Variants in FER1L6 observed in about 807,000 individuals in gnomAD.
The protein encoded by FER1L6 is fer-1 like family member 6, also known as fer-1-like protein 6.
In FER1L6, 177 loss-of-function variants were observed where a neutral mutation model predicts 219.2. The ratio of observed to expected loss-of-function variants is 0.81; its 90% CI spans 0.71 to 0.91. The LOEUF (loss-of-function observed/expected upper bound fraction) is 0.91, where lower values mean the gene tolerates loss of function less well. FER1L6 is among the 40% of genes least tolerant of loss of function. FER1L6 has a pLI of 0.00. For synonymous variants in FER1L6, 768 were observed against 824.3 expected (o/e 0.93, Z 1.17); for missense variants, 2,153 against 2,259.9 (o/e 0.95, Z 0.96).
chr8:124,115,922 T>C lies in FER1L6; in HGVS notation c.5290-2922T>C, dbSNP rs113987652. Among the ~76,000 whole-genome samples, 707 of 152,362 alleles carry C rather than the reference T, an allele frequency of 4.6e-3. 4 individuals are homozygous for C. The highest frequency in any genetic ancestry group is 0.016 in the African/African-American group (662 of 41,588). ...TGTGCTATGCTATGCCATGCCATGC[T>C]ATGCTATAATATTAAGCTATCCAAA... On this transcript the variant is annotated intron_variant, in intron 39 of 40. Coordinates refer to ENST00000522917, the MANE Select transcript of FER1L6 (RefSeq NM_001039112.2).
chr8:123,879,245 G>A (rs6983143), intron 1 of FER1L6, among the ~76,000 whole-genome samples: 115,732 of 152,114 alleles, frequency 0.76, 44,292 homozygotes, highest in South Asian at 0.85. Context: ...TGAGGCTTCA[G>A]TGAGCTATAA....
intron 20 of FER1L6, among the ~76,000 whole-genome samples, chr8:124,042,747 C>T (rs1819562868): frequency 6.6e-6 from 1 of 152,120 alleles, no homozygotes; most frequent in Non-Finnish European, 1.5e-5. Flanking sequence ...CTCACCTGAC[C>T]ACGCGGGGCT....
chr8:124,066,645 C>T, intron 27 of FER1L6, 95 bp downstream of exon 27: 1 of 1,375,958 alleles, frequency 7.3e-7, no homozygotes, highest in Admixed American at 2.0e-5. Context: ...CTTTTAAATG[C>T]CACTATACAT....
intron 12 of FER1L6, among the ~76,000 whole-genome samples, chr8:123,991,996 C>A (rs756521542): frequency 3.3e-5 from 5 of 151,860 alleles, no homozygotes; most frequent in Non-Finnish European, 7.4e-5. Flanking sequence ...TTTGATGTAT[C>A]ACTTATATTG....
intron 21 of FER1L6, among the ~76,000 whole-genome samples, chr8:124,048,966 T>C (rs753259618): frequency 3.3e-5 from 5 of 152,188 alleles, no homozygotes; most frequent in Non-Finnish European, 7.4e-5. Flanking sequence ...TATATCCTAC[T>C]GAGCTCAATA....
intron 2 of FER1L6, among the ~76,000 whole-genome samples, chr8:123,961,858 G>A (rs1412936526): frequency 6.6e-6 from 1 of 150,568 alleles, no homozygotes; most frequent in African/African-American, 2.4e-5. Flanking sequence ...TCTATGGTCT[G>A]TGTTTTTTGT....
chr8:123,926,115 A>G (rs1187941902), intron 1 of FER1L6, among the ~76,000 whole-genome samples: 3 of 152,226 alleles, frequency 2.0e-5, no homozygotes, highest in Admixed American at 6.5e-5. Context: ...ATTAACACTC[A>G]GAATGGGACT....
Position 124,003,254 on chromosome 8 carries a change from T to C in FER1L6, c.1607T>C (p.Leu536Pro), listed in dbSNP as rs375752778. ...ESAEEDLLPL[L>P]HEGQGDVAHD... ...GCTGAAGAAGACCTCCTTCCACTGC[T>C]TCACGAAGGGCAAGGGGATGTGGCC... Residue 536 changes from leucine (L) to proline (P), a missense_variant, in exon 13 of 41, where the codon CTT (leucine) becomes CCT (proline). Physicochemically the swap from Leu to Pro is moderately conservative, Grantham distance 98 (BLOSUM62 -3). Coordinates refer to ENST00000522917, the MANE Select transcript of FER1L6 (RefSeq NM_001039112.2). 29 of 1,613,950 alleles carry C rather than the reference T, an allele frequency of 1.8e-5. No individual in the cohort carries two copies. In the Middle Eastern group the frequency reaches 6.6e-4, roughly 37 times the overall value.
chr8:124,022,842 T>C (rs538484221), intron 17 of FER1L6, among the ~76,000 whole-genome samples: 109 of 152,268 alleles, frequency 7.2e-4, no homozygotes, highest in Non-Finnish European at 1.4e-3. Flanking sequence ...CTACCAAAGA[T>C]GCCAAATCAC....
At chr8:123,994,566 C>G (rs1817037708) in intron 12 of FER1L6, among the ~76,000 whole-genome samples, 1 of 152,192 alleles carries the variant, frequency 6.6e-6, no homozygotes, top group South Asian at 2.1e-4. Context: ...CTGCTCAGAA[C>G]TTACAACTGC....
At position 123,912,884 on chromosome 8, in the gene FER1L6, A is replaced by G. The variant is rs562033988; in HGVS notation, c.-7-43108A>G. Reference sequence around the variant, plus strand: ...CCAGTAAACTTTTCTGCCAACCAAGAGCAATACAGGGTATGGTATTGGAGG... The same window carrying G: ...CCAGTAAACTTTTCTGCCAACCAAGGGCAATACAGGGTATGGTATTGGAGG... On this transcript the variant is annotated intron_variant, in intron 1 of 40. Transcript: ENST00000522917. Among the ~76,000 whole-genome samples, 8 of 152,306 alleles carry G rather than the reference A, an allele frequency of 5.3e-5. No homozygotes were observed. The East Asian group carries it at 1.3e-3, about 26-fold the overall frequency.
intron 18 of FER1L6, among the ~76,000 whole-genome samples, chr8:124,028,682 A>G (rs1272906493): frequency 2.0e-5 from 3 of 152,234 alleles, no homozygotes; most frequent in Admixed American, 1.3e-4. Flanking sequence ...TTGCAGTTGT[A>G]ACCTTGGAAA....
chr8:123,916,470 C>T (rs974587859), intron 1 of FER1L6, among the ~76,000 whole-genome samples: 10 of 152,186 alleles, frequency 6.6e-5, no homozygotes, highest in Non-Finnish European at 1.5e-4. Context: ...GCCCTACTCT[C>T]TTGCCACAGT....
In FER1L6 at chr8:124,101,244, C is replaced by T. The variant is rs1205192015; in HGVS notation, c.5031C>T (p.Asn1677=). The change falls in exon 38 of 41, where the codon AAC becomes AAT. Residue 1677 remains asparagine (N), a synonymous_variant. Coordinates refer to ENST00000522917, the MANE Select transcript of FER1L6 (RefSeq NM_001039112.2). Reference sequence around the variant, plus strand: ...AAATGGTCATTACCAAGAGGGAGAACATCTTCTCTTTAGAGAAGATGGAGT... The same window carrying T: ...AAATGGTCATTACCAAGAGGGAGAATATCTTCTCTTTAGAGAAGATGGAGT... ...EKQMVITKRE[N]IFSLEKMECK... 1 of 1,613,852 alleles carries T rather than the reference C, an allele frequency of 6.2e-7. No individual in the cohort carries two copies. Among genetic ancestry groups the T allele is most frequent in the South Asian group, 1.1e-5 (1 of 91,080 alleles).
chr8:124,089,856 C>A (rs1821950297), intron 33 of FER1L6, among the ~76,000 whole-genome samples: 1 of 152,144 alleles, frequency 6.6e-6, no homozygotes, highest in Non-Finnish European at 1.5e-5. Flanking sequence ...ATATCTCAAG[C>A]ATTTTATGTC....
chr8:124,019,698 C>T (rs995246840), intron 16 of FER1L6, among the ~76,000 whole-genome samples: 1 of 152,200 alleles, frequency 6.6e-6, no homozygotes, highest in Non-Finnish European at 1.5e-5. Context: ...AGACACTGAG[C>T]ATACAATAAG....
At chr8:124,039,818 C>G in intron 19 of FER1L6, 64 bp from the exon 20 acceptor site, 1 of 1,604,222 alleles carries the variant, frequency 6.2e-7, no homozygotes, top group Non-Finnish European at 8.5e-7. Flanking sequence ...CACAGACACA[C>G]ATGTGCACAC....
chr8:124,086,126 C>T (rs969266347), intron 33 of FER1L6, among the ~76,000 whole-genome samples: 26 of 149,394 alleles, frequency 1.7e-4, no homozygotes, highest in Non-Finnish European at 3.3e-4. Flanking sequence ...TTTTTGTAGG[C>T]AACGGAGTAT....
At chr8:123,936,898 A>G (rs1464801843) in intron 1 of FER1L6, among the ~76,000 whole-genome samples, 2 of 152,116 alleles carry the variant, frequency 1.3e-5, no homozygotes, top group East Asian at 3.9e-4. Flanking sequence ...AAGGGTCTTA[A>G]CTGTTAAAGA....
Sources: allele counts gnomAD v4.1 joint callset (sites outside exome capture counted in the v4.1 genomes callset), GRCh38; gene constraint gnomAD v4.1.1; transcripts MANE v1.5; gene names NCBI Gene and HGNC (gene_info 2026-07-23, HGNC 2026-07-21).